STPG4: variants seen among roughly 807,000 people sequenced by gnomAD.
The protein encoded by STPG4 is protein STPG4.
STPG4 carries 41 observed loss-of-function variants against 31.5 expected under a neutral mutation model. The observed-to-expected ratio is 1.30, with a 90% CI of 1.01 to 1.69. The LOEUF is 1.69. STPG4 is among the 40% of genes most tolerant of loss of function. The pLI is 0.00. For missense variants in STPG4, 375 were observed against 293.4 expected, an observed-to-expected ratio of 1.28 and a Z score of -2.03; for synonymous variants, 141 against 103.0, an observed-to-expected ratio of 1.37 and a Z score of -2.24.
chr2:47,120,304 G>A (rs957300481), intron 5 of STPG4, among the ~76,000 whole-genome samples: 4 of 151,874 alleles, frequency 2.6e-5, no homozygotes, highest in African/African-American at 7.3e-5. Context: ...GCACTCCAAC[G>A]TGGGCGACAG....
intron 2 of STPG4, 142 bp downstream of exon 2, chr2:47,152,808 CTAAAATT>C (rs1383279978): frequency 8.2e-6 from 4 of 486,270 alleles, no homozygotes; most frequent in African/African-American, 2.0e-5. Flanking sequence ...TATGCTGACA[CTAAAATT>C]TTAAGTATGA....
At chr2:47,128,252 C>T (rs1686403051) in intron 5 of STPG4, among the ~76,000 whole-genome samples, 1 of 152,136 alleles carries the variant, frequency 6.6e-6, no homozygotes, top group South Asian at 2.1e-4. Context: ...GTGACACAAG[C>T]ACCTCTATGG....
At chr2:47,119,936 G>C (rs1686232776) in intron 5 of STPG4, among the ~76,000 whole-genome samples, 1 of 152,206 alleles carries the variant, frequency 6.6e-6, no homozygotes, top group South Asian at 2.1e-4. Flanking sequence ...GTTTTATTTA[G>C]CCTAAAAGGG....
intron 5 of STPG4, among the ~76,000 whole-genome samples, chr2:47,128,218 G>A (rs111964669): frequency 6.6e-5 from 10 of 152,118 alleles, no homozygotes; most frequent in African/African-American, 2.4e-4. Flanking sequence ...TCTTTGTGCT[G>A]AGATGCCTAA....
chr2:47,129,025 T>C (rs1686418457), intron 5 of STPG4: 1 of 152,272 alleles, frequency 6.6e-6, no homozygotes, highest in African/African-American at 2.4e-5. Context: ...GGTCCTTCTC[T>C]TTAAGGCAGT....
intron 5 of STPG4, among the ~76,000 whole-genome samples, chr2:47,112,898 G>T (rs1348262387): frequency 1.3e-5 from 2 of 151,510 alleles, no homozygotes; most frequent in African/African-American, 4.9e-5. Flanking sequence ...AAGCTGAGGT[G>T]GGAGGATTGC....
chr2:47,152,055 G>C (rs556679010), intron 2 of STPG4, among the ~76,000 whole-genome samples: 5 of 152,208 alleles, frequency 3.3e-5, no homozygotes, highest in African/African-American at 1.2e-4. Context: ...GAGCCACCAG[G>C]CCCGGCCGAA....
intron 3 of STPG4, among the ~76,000 whole-genome samples, chr2:47,146,451 C>T (rs1290490084): frequency 3.3e-5 from 5 of 151,714 alleles, no homozygotes; most frequent in African/African-American, 7.3e-5. Context: ...GGGAATTGGC[C>T]GCAATGGCTC....
chr2:47,125,811 G>A (rs1462486166), intron 5 of STPG4, among the ~76,000 whole-genome samples: 1 of 151,342 alleles, frequency 6.6e-6, no homozygotes, highest in Non-Finnish European at 1.5e-5. Context: ...CTCCTGCCTT[G>A]GCCTCCCAAA....
chr2:47,089,438 G>A (rs1685523362), intron 6 of STPG4, among the ~76,000 whole-genome samples: 1 of 152,192 alleles, frequency 6.6e-6, no homozygotes, highest in African/African-American at 2.4e-5. Flanking sequence ...AGCCCAGGCA[G>A]TGGCAGTACT....
intron 5 of STPG4, among the ~76,000 whole-genome samples, chr2:47,093,696 C>T (rs2103728239): frequency 6.6e-6 from 1 of 152,214 alleles, no homozygotes; most frequent in East Asian, 1.9e-4. Flanking sequence ...CCAGCAGTTT[C>T]CTTGCATGGA....
intron 5 of STPG4, among the ~76,000 whole-genome samples, chr2:47,118,990 C>T (rs1016800696): frequency 6.6e-6 from 1 of 152,186 alleles, no homozygotes; most frequent in Non-Finnish European, 1.5e-5. Context: ...AATGAGTTTT[C>T]GTATAAAAGC....
At chr2:47,114,675 T>C (rs1249864313) in intron 5 of STPG4, among the ~76,000 whole-genome samples, 1 of 152,224 alleles carries the variant, frequency 6.6e-6, no homozygotes, top group Non-Finnish European at 1.5e-5. Flanking sequence ...AAAATTATAT[T>C]CTATTCAAAT....
intron 5 of STPG4, among the ~76,000 whole-genome samples, chr2:47,116,267 C>T (rs1311401136): frequency 6.6e-6 from 1 of 152,198 alleles, no homozygotes; most frequent in Non-Finnish European, 1.5e-5. Flanking sequence ...GGGCTCCCTG[C>T]AGATCTAAGG....
At chr2:47,107,308 C>T (rs965640155) in intron 5 of STPG4, among the ~76,000 whole-genome samples, 35 of 152,228 alleles carry the variant, frequency 2.3e-4, no homozygotes, top group Non-Finnish European at 1.6e-4. Flanking sequence ...ACCGGGGCTG[C>T]GCGTGGTGCT....
At chr2:47,134,594 T>A (rs192888081) in intron 3 of STPG4, among the ~76,000 whole-genome samples, 1 of 152,368 alleles carries the variant, frequency 6.6e-6, no homozygotes, top group Non-Finnish European at 1.5e-5. Context: ...AGTTTATTTA[T>A]CCATTCATCT....
At chr2:47,144,792 G>A (rs546200203) in intron 3 of STPG4, among the ~76,000 whole-genome samples, 9 of 152,060 alleles carry the variant, frequency 5.9e-5, no homozygotes, top group South Asian at 2.1e-4. Context: ...GTGCAGTGGC[G>A]CAACCTCGGC....
intron 3 of STPG4, among the ~76,000 whole-genome samples, chr2:47,136,365 C>T (rs1165926166): frequency 6.6e-6 from 1 of 152,116 alleles, no homozygotes; most frequent in Non-Finnish European, 1.5e-5. Context: ...CCAGGCTGGT[C>T]TCAAACTCCT....
At chr2:47,112,889 A>G (rs115714607) in intron 5 of STPG4, among the ~76,000 whole-genome samples, 3,989 of 151,966 alleles carry the variant, frequency 0.026, 185 homozygotes, top group African/African-American at 0.091. Flanking sequence ...TTACTCAGGA[A>G]GCTGAGGTGG....
Sources: gnomAD v4.1 joint callset for allele counts (sites outside exome capture counted in the v4.1 genomes callset) on GRCh38, gnomAD v4.1.1 for gene constraint, MANE v1.5 for transcripts, NCBI Gene and HGNC (gene_info 2026-07-23, HGNC 2026-07-21) for gene names.